The following EPHB1 variants were observed in gnomAD, a reference collection of about 807,000 sequenced individuals.
EPHB1 encodes ephrin type-B receptor 1.
Under a neutral mutation model 94.4 loss-of-function variants are expected in EPHB1, and 30 were observed. The observed-to-expected ratio is 0.32, with a 90% CI of 0.24 to 0.43. The LOEUF (loss-of-function observed/expected upper bound fraction) is 0.43. Among genes scored for constraint, EPHB1 ranks in the 20% least tolerant of loss-of-function variants. The pLI is 1.00. For synonymous variants in EPHB1, 522 were observed against 489.1 expected, an observed-to-expected ratio of 1.07 and a Z score of -0.89; for missense variants, 1,055 against 1,308.3, an observed-to-expected ratio of 0.81 and a Z score of 2.99.
At chr3:134,880,801 T>C (rs1157990031) in intron 1 of EPHB1, among the ~76,000 whole-genome samples, 2 of 152,222 alleles carry the variant, frequency 1.3e-5, no homozygotes, top group Non-Finnish European at 2.9e-5. Flanking sequence ...TCAGAACTGA[T>C]GAGAATCCCA....
In EPHB1 at chr3:135,132,803, C is replaced by A. The variant is rs1395878132; in HGVS notation, c.1051C>A (p.Arg351=). The A allele has an allele frequency of 1.2e-6, 2 of 1,613,930 alleles. No homozygotes were observed. The highest frequency in any genetic ancestry group is 8.5e-7 in the Non-Finnish European group (1 of 1,179,858). The part of the protein sequence containing the change: ...EWHPPRETGG[R]DDVTYNIICK... ...GCACCCTCCAAGGGAGACAGGTGGG[C>A]GGGATGATGTGACCTACAACATCAT... Residue 351 remains arginine, a synonymous_variant, in exon 5 of 16, where the codon CGG becomes AGG. Transcript: ENST00000398015.
At chr3:134,875,142 G>A (rs543127683) in intron 1 of EPHB1, among the ~76,000 whole-genome samples, 2 of 152,292 alleles carry the variant, frequency 1.3e-5, no homozygotes, top group East Asian at 1.9e-4. Flanking sequence ...AATCTCCAGG[G>A]GTGGAGGGCC....
chr3:134,915,810 T>C (rs554434595), intron 1 of EPHB1, among the ~76,000 whole-genome samples: 1 of 152,244 alleles, frequency 6.6e-6, no homozygotes, highest in Admixed American at 6.5e-5. Context: ...GCGGTGAGTG[T>C]TACATCTCAT....
intron 12 of EPHB1, among the ~76,000 whole-genome samples, chr3:135,236,909 G>A (rs551163763): frequency 2.0e-5 from 3 of 152,278 alleles, no homozygotes; most frequent in African/African-American, 7.2e-5. Context: ...CCTGGACTTT[G>A]GCCTGGAAAA....
At chr3:134,967,952 C>T (rs1933826894) in intron 3 of EPHB1, among the ~76,000 whole-genome samples, 1 of 152,196 alleles carries the variant, frequency 6.6e-6, no homozygotes, top group Admixed American at 6.5e-5. Flanking sequence ...AGGTGTGTTT[C>T]CCTGAACCCT....
chr3:134,848,582 A>T (rs1272692776), intron 1 of EPHB1, among the ~76,000 whole-genome samples: 2 of 152,222 alleles, frequency 1.3e-5, no homozygotes, highest in Non-Finnish European at 2.9e-5. Flanking sequence ...CAAGCATTAG[A>T]TTAATATTGA....
At chr3:135,150,965 A>G (rs1941173286) in intron 5 of EPHB1, among the ~76,000 whole-genome samples, 2 of 152,156 alleles carry the variant, frequency 1.3e-5, no homozygotes, top group African/African-American at 4.8e-5. Flanking sequence ...ATTCTTCCAG[A>G]TGTTTAGGCC....
chr3:135,076,139 A>G (rs577556238), intron 3 of EPHB1, among the ~76,000 whole-genome samples: 1 of 152,042 alleles, frequency 6.6e-6, no homozygotes, highest in East Asian at 1.9e-4. Context: ...TAGGGCAAAG[A>G]TTTCTTAGAT....
In EPHB1 at chr3:135,027,233, C is replaced by A. The variant is rs1255437626; in HGVS notation, c.805+75181C>A. On this transcript the variant is annotated intron_variant, in intron 3 of 15. Coordinates refer to ENST00000398015, the MANE Select transcript of EPHB1 (RefSeq NM_004441.5). Reference sequence around the variant, plus strand: ...CCTTCTCCTGCCTAATTGCCCTGGCCAGGACTTCCAGCACTATGTTGAATA... The same window carrying A: ...CCTTCTCCTGCCTAATTGCCCTGGCAAGGACTTCCAGCACTATGTTGAATA... Among the ~76,000 whole-genome samples the A allele has an allele frequency of 2.0e-5, 3 of 152,220 alleles. No homozygotes were observed. The East Asian group carries it at 5.8e-4, about 29-fold the overall frequency.
chr3:134,804,991 G>A (rs1309662115), intron 1 of EPHB1, among the ~76,000 whole-genome samples: 1 of 152,258 alleles, frequency 6.6e-6, no homozygotes, highest in Non-Finnish European at 1.5e-5. Flanking sequence ...GTGAAAGGCA[G>A]CTGGGCCTTG....
At chr3:134,919,685 G>T (rs2038641505) in intron 1 of EPHB1, among the ~76,000 whole-genome samples, 1 of 152,178 alleles carries the variant, frequency 6.6e-6, no homozygotes, top group Admixed American at 6.5e-5. Flanking sequence ...AGCAGAGCAT[G>T]TGCAGATCAG....
chr3:135,222,444 A>ATAT (rs1943295930), intron 12 of EPHB1, among the ~76,000 whole-genome samples: 1 of 152,100 alleles, frequency 6.6e-6, no homozygotes, highest in African/African-American at 2.4e-5. Context: ...CTTTTCTAGG[A>ATAT]TATTTATATT....
chr3:135,138,049 T>G (rs143012116), intron 5 of EPHB1, among the ~76,000 whole-genome samples: 9 of 152,346 alleles, frequency 5.9e-5, no homozygotes, highest in African/African-American at 2.2e-4. Flanking sequence ...CCTCTCTATC[T>G]TTCCTCATTG....
At chr3:134,892,434 T>C (rs537611999) in intron 1 of EPHB1, among the ~76,000 whole-genome samples, 1 of 152,190 alleles carries the variant, frequency 6.6e-6, no homozygotes, top group Non-Finnish European at 1.5e-5. Flanking sequence ...GCAGCAGGGG[T>C]ACCAATAACA....
intron 9 of EPHB1, among the ~76,000 whole-genome samples, chr3:135,171,678 T>A (rs1941805562): frequency 6.6e-6 from 1 of 152,152 alleles, no homozygotes; most frequent in African/African-American, 2.4e-5. Flanking sequence ...AAAAAATGAG[T>A]TAGTTGACCA....
intron 12 of EPHB1, among the ~76,000 whole-genome samples, chr3:135,217,016 A>G (rs572184670): frequency 6.6e-6 from 1 of 152,214 alleles, no homozygotes; most frequent in South Asian, 2.1e-4. Flanking sequence ...TCGGCAGGGA[A>G]CTTGCTAGGG....
intron 11 of EPHB1, among the ~76,000 whole-genome samples, chr3:135,199,891 G>GT: frequency 6.6e-6 from 1 of 152,220 alleles, no homozygotes. Context: ...GCATATGCAT[G>GT]TGAGTGCATT....
At chr3:135,255,634 C>T (rs1185456362) in intron 15 of EPHB1, among the ~76,000 whole-genome samples, 3 of 150,000 alleles carry the variant, frequency 2.0e-5, no homozygotes, top group African/African-American at 7.4e-5. Context: ...GCTTTACTTC[C>T]AAGTATGTGG....
intron 3 of EPHB1, among the ~76,000 whole-genome samples, chr3:135,015,646 A>T (rs971978621): frequency 6.6e-6 from 1 of 152,200 alleles, no homozygotes; most frequent in African/African-American, 2.4e-5. Context: ...CCCTGAGAGC[A>T]GACAGAGATC....
Sources: allele counts gnomAD v4.1 joint callset (sites outside exome capture counted in the v4.1 genomes callset), GRCh38; gene constraint gnomAD v4.1.1; transcripts MANE v1.5; gene names NCBI Gene and HGNC (gene_info 2026-07-23, HGNC 2026-07-21).